MEIS2: variants seen among roughly 807,000 people sequenced by gnomAD.
MEIS2 encodes the protein homeobox protein Meis2.
In MEIS2, 9 loss-of-function variants were observed where a neutral mutation model predicts 58.6. The observed-to-expected ratio is 0.15, with a 90% CI of 0.09 to 0.27. The LOEUF is 0.27. Ranked by LOEUF, MEIS2 falls within the 10% of genes least tolerant of loss-of-function variation. MEIS2 has a pLI of 1.00. For synonymous variants in MEIS2, 221 were observed against 228.4 expected (o/e 0.97, Z 0.29); for missense variants, 427 against 635.0 (o/e 0.67, Z 3.52).
At chr15:36,979,892 T>C (rs1419540158) in intron 8 of MEIS2, among the ~76,000 whole-genome samples, 1 of 148,256 alleles carries the variant, frequency 6.7e-6, no homozygotes, top group Non-Finnish European at 1.5e-5. Context: ...TAATAACACA[T>C]ATATATATTA....
intron 6 of MEIS2, among the ~76,000 whole-genome samples, chr15:37,093,350 A>T (rs932016466): frequency 2.0e-5 from 3 of 152,120 alleles, no homozygotes; most frequent in African/African-American, 7.2e-5. Flanking sequence ...AGCACAAATC[A>T]CTCTATCAAC....
chr15:36,962,242 A>C (rs139155684), intron 8 of MEIS2, among the ~76,000 whole-genome samples: 3 of 152,346 alleles, frequency 2.0e-5, no homozygotes, highest in East Asian at 3.9e-4. Flanking sequence ...AGTTTGACCC[A>C]TATCCAGCAT....
intron 9 of MEIS2, among the ~76,000 whole-genome samples, chr15:36,948,435 T>C (rs1221031770): frequency 6.6e-6 from 1 of 151,892 alleles, no homozygotes; most frequent in Non-Finnish European, 1.5e-5. Context: ...GTGCGAAGAG[T>C]ATATCAAAAA....
chr15:36,984,326 T>G lies in MEIS2; in HGVS notation c.901-33926A>C, dbSNP rs2060026145. 1.3e-5 allele frequency among the ~76,000 whole-genome samples: 2 copies of G among 151,918 alleles called. 1 individual carries two copies. Among genetic ancestry groups the G allele is most frequent in the South Asian group, 4.1e-4 (2 of 4,828 alleles). On this transcript the variant is annotated intron_variant, in intron 8 of 11. Transcript: ENST00000561208. The stretch of plus-strand genomic sequence containing the variant: ...TGTCAACATATGTTCCTTCAAATAC[T>G]TCTTCTTTATCTACTGAGATGATCA...
intron 9 of MEIS2, among the ~76,000 whole-genome samples, chr15:36,936,416 C>T (rs1312865593): frequency 6.6e-6 from 1 of 151,972 alleles, no homozygotes; most frequent in African/African-American, 2.4e-5. Flanking sequence ...AGGATGGTCT[C>T]GATCTCCTGA....
rs893287404 is a variant in MEIS2, at chr15:37,023,914, T to C, written c.900+12900A>G. ...TCACTGGCCTCCTTTTCTCTCTCTTTTTTTTTTTTTTTTTTTTTTGATGGA... is the reference window on the plus strand; with the variant it reads ...TCACTGGCCTCCTTTTCTCTCTCTTCTTTTTTTTTTTTTTTTTTTGATGGA... On this transcript the variant is annotated intron_variant, in intron 8 of 11. Transcript: ENST00000561208. 7.7e-4 allele frequency among the ~76,000 whole-genome samples: 36 copies of C among 46,808 alleles called. No homozygotes were observed. In the East Asian group the frequency reaches 7.8e-3, roughly 10 times the overall value. The allele number at this position is 46,808 out of a possible 152,430, so 30.7% of individuals were successfully genotyped here.
chr15:37,020,424 A>T (rs2061486347), intron 8 of MEIS2, among the ~76,000 whole-genome samples: 1 of 152,182 alleles, frequency 6.6e-6, no homozygotes, highest in African/African-American at 2.4e-5. Flanking sequence ...AAGCAGCTAG[A>T]TCAAACAAAC....
At chr15:37,051,029 C>T (rs2062897243) in intron 7 of MEIS2, 1 of 152,102 alleles carries the variant, frequency 6.6e-6, no homozygotes, top group Non-Finnish European at 1.5e-5. Context: ...ATTACATATA[C>T]CTGACAGGTT....
intron 9 of MEIS2, among the ~76,000 whole-genome samples, chr15:36,913,158 C>A (rs1057181911): frequency 1.3e-5 from 2 of 152,202 alleles, no homozygotes; most frequent in Non-Finnish European, 2.9e-5. Flanking sequence ...TTACTGCTAC[C>A]ATCCAACTCA....
intron 8 of MEIS2, among the ~76,000 whole-genome samples, chr15:36,963,315 G>A (rs573950581): frequency 2.4e-4 from 37 of 151,538 alleles, no homozygotes; most frequent in Non-Finnish European, 4.6e-4. Flanking sequence ...GGGACGCAGA[G>A]TTTGCAGTGA....
At chr15:37,030,399 C>T (rs958663565) in intron 8 of MEIS2, among the ~76,000 whole-genome samples, 1 of 151,966 alleles carries the variant, frequency 6.6e-6, no homozygotes, top group African/African-American at 2.4e-5. Context: ...TGCAGTGGCA[C>T]AGTCTCCACT....
At chr15:37,058,535 C>T (rs925166135) in intron 7 of MEIS2, among the ~76,000 whole-genome samples, 6 of 152,186 alleles carry the variant, frequency 3.9e-5, no homozygotes, top group African/African-American at 1.2e-4. Context: ...CTCTCACAGA[C>T]GTCTCCGGCA....
rs112410187 is a variant in MEIS2 at position 37,099,598 on chromosome 15, T to C, written c.-132A>G. On this transcript the variant is annotated 5_prime_UTR_variant, in exon 1 of 12. Coordinates refer to ENST00000561208, the MANE Select transcript of MEIS2 (RefSeq NM_170675.5). ...AGAGACTTCTCCCAATTCTCCAATA[T>C]GCTATTTTTTAGGGGGGAAAAAAAG... 9.0e-6 allele frequency: 12 copies of C among 1,334,116 alleles called. No individual in the cohort carries two copies. In the African/African-American group the frequency reaches 1.3e-4, roughly 15 times the overall value. 82.6% of individuals were successfully genotyped at this position (1,334,116 alleles called of 1,614,324 possible). A position where few individuals can be genotyped will look rare whatever the true frequency, so the allele number is the denominator to read the frequency against.
chr15:36,954,379 C>G (rs940436864), intron 8 of MEIS2, among the ~76,000 whole-genome samples: 16 of 149,638 alleles, frequency 1.1e-4, no homozygotes, highest in Non-Finnish European at 2.4e-4. Flanking sequence ...TTTATATACT[C>G]CTATATTGTC....
rs113425489 is a variant in MEIS2 at position 37,043,445 on chromosome 15, A to C, written c.755-6486T>G. Among the ~76,000 whole-genome samples, 387 of 152,340 alleles carry C rather than the reference A, an allele frequency of 2.5e-3. 2 individuals carry two copies. Among genetic ancestry groups the C allele is most frequent in the African/African-American group, 8.8e-3 (368 of 41,592 alleles). ...CCATTTCCAGGAAGTAGGTATACTT[A>C]TGAATATAAAGATACTTATATGTGT... is the stretch of plus-strand genomic sequence containing the variant. On this transcript the variant is annotated intron_variant, in intron 7 of 11. Coordinates refer to ENST00000561208, the MANE Select transcript of MEIS2 (RefSeq NM_170675.5).
chr15:37,081,137 T>C (rs2051565160), intron 7 of MEIS2, among the ~76,000 whole-genome samples: 1 of 152,252 alleles, frequency 6.6e-6, no homozygotes, highest in African/African-American at 2.4e-5. Flanking sequence ...AAAATGTGTA[T>C]GAAAACATTG....
intron 8 of MEIS2, among the ~76,000 whole-genome samples, chr15:37,001,983 AT>A (rs147064288): frequency 6.6e-6 from 1 of 151,984 alleles, no homozygotes; most frequent in African/African-American, 2.4e-5. Context: ...ATTCTATCTC[AT>A]TTTTTTTGGC....
rs1567034985 is a variant in MEIS2, at chr15:36,907,042, C to G, written c.978-10356G>C. Among the ~76,000 whole-genome samples the G allele has an allele frequency of 2.0e-5, 3 of 152,188 alleles. No homozygotes were observed. In the South Asian group the frequency reaches 6.2e-4, roughly 32 times the overall value. Reference sequence around the variant, plus strand: ...TTGCTACACAAATTACGTTCCACTCCTTACTTAACGAAAGTAAGTTTAGTA... The same window carrying G: ...TTGCTACACAAATTACGTTCCACTCGTTACTTAACGAAAGTAAGTTTAGTA... On this transcript the variant is annotated intron_variant, in intron 9 of 11. Coordinates refer to ENST00000561208, the MANE Select transcript of MEIS2 (RefSeq NM_170675.5).
chr15:37,030,851 G>A (rs1026252370), intron 8 of MEIS2, among the ~76,000 whole-genome samples: 9 of 151,926 alleles, frequency 5.9e-5, no homozygotes, highest in African/African-American at 1.5e-4. Flanking sequence ...TGTTGCCCAG[G>A]CTGGTCTCAA....
Sources: allele counts gnomAD v4.1 joint callset (sites outside exome capture counted in the v4.1 genomes callset), GRCh38; gene constraint gnomAD v4.1.1; transcripts MANE v1.5; gene names NCBI Gene and HGNC (gene_info 2026-07-23, HGNC 2026-07-21).